The following FLT1 variants were observed in gnomAD, a reference collection of about 807,000 sequenced individuals.
The protein encoded by FLT1 is fms related receptor tyrosine kinase 1.
In FLT1, 49 loss-of-function variants were observed where a neutral mutation model predicts 156.3. The observed-to-expected ratio is 0.31, with a 90% CI of 0.25 to 0.40. The LOEUF (loss-of-function observed/expected upper bound fraction) is 0.40, where lower values mean the gene tolerates loss of function less well. FLT1 is among the 10% of genes least tolerant of loss of function. FLT1 has a pLI of 1.00. For missense variants in FLT1, 1,322 were observed against 1,637.2 expected (o/e 0.81, Z 3.32); for synonymous variants, 594 against 583.8 (o/e 1.02, Z -0.25).
intron 12 of FLT1, among the ~76,000 whole-genome samples, chr13:28,391,648 T>A (rs1405859245): frequency 6.6e-6 from 1 of 152,210 alleles, no homozygotes; most frequent in Non-Finnish European, 1.5e-5. Context: ...GTCACAGACA[T>A]GTGTCCTTAA....
intron 23 of FLT1, among the ~76,000 whole-genome samples, chr13:28,320,391 C>T (rs1184987785): frequency 2.0e-5 from 3 of 152,234 alleles, no homozygotes; most frequent in Admixed American, 1.3e-4. Context: ...CAGTGGCTCT[C>T]GAAGTATGGT....
intron 13 of FLT1, chr13:28,385,565 G>T: frequency 9.9e-7 from 1 of 1,013,708 alleles, no homozygotes; most frequent in Non-Finnish European, 1.2e-6. Flanking sequence ...AACTTTGAAA[G>T]CTTTATTGGT....
At chr13:28,329,785 G>GCGGA in intron 18 of FLT1, 57 bp from the exon 19 acceptor site, 3 of 1,405,920 alleles carry the variant, frequency 2.1e-6, no homozygotes, top group Non-Finnish European at 3.0e-6. Context: ...CCTTCCGCCG[G>GCGGA]AGGCGGCATT....
intron 11 of FLT1, among the ~76,000 whole-genome samples, chr13:28,400,376 A>T (rs1330539082): frequency 3.3e-5 from 5 of 152,270 alleles, no homozygotes; most frequent in African/African-American, 4.8e-5. Context: ...AAAGTTAAAA[A>T]TAAGGTGAAA....
chr13:28,450,850 G>T (rs1878888670), intron 3 of FLT1, among the ~76,000 whole-genome samples: 1 of 152,174 alleles, frequency 6.6e-6, no homozygotes, highest in Admixed American at 6.5e-5. Flanking sequence ...TACGCTTCCT[G>T]ATCTGAGGCT....
rs1555297826 is a variant in FLT1 at position 28,303,496 on chromosome 13, C to CCA, written c.3816-129_3816-128insTG. The CCA allele has an allele frequency of 2.6e-5, 21 of 799,102 alleles. No homozygotes were observed. The African/African-American group carries it at 3.1e-4, about 12-fold the overall frequency. 49.5% of individuals were successfully genotyped at this position (799,102 alleles called of 1,614,324 possible). A position where few individuals can be genotyped will look rare whatever the true frequency, so the allele number is the denominator to read the frequency against. ...TCTAGAGTTCATGGTTTTGGAACCC[C>CCA]CCCCCCCTCAATTGCTGTCAGATTT... On this transcript the variant is annotated intron_variant, in intron 29 of 29. Coordinates refer to ENST00000282397, the MANE Select transcript of FLT1 (RefSeq NM_002019.4).
chr13:28,442,076 A>G (rs1182166857), intron 3 of FLT1, among the ~76,000 whole-genome samples: 1 of 152,204 alleles, frequency 6.6e-6, no homozygotes, highest in Non-Finnish European at 1.5e-5. Context: ...GGGTGTAGTA[A>G]CATATGCAGA....
At chr13:28,380,434 G>A (rs1874029162) in intron 14 of FLT1, among the ~76,000 whole-genome samples, 1 of 152,158 alleles carries the variant, frequency 6.6e-6, no homozygotes, top group African/African-American at 2.4e-5. Flanking sequence ...TATACATGGG[G>A]AAGATTATCT....
Position 28,433,938 on chromosome 13 carries a change from C to T in FLT1, c.694G>A (p.Val232Ile), listed in dbSNP as rs1396825628. The T allele has an allele frequency of 2.5e-6, 4 of 1,614,092 alleles. No homozygotes were observed. Among genetic ancestry groups the T allele is most frequent in the Admixed American group, 1.7e-5 (1 of 60,020 alleles). ...ACTGGGCGTGGTGTGCTTATTTGGA[C>T]ATCTATGATTGTATTGGCTGCAAGC... ...THRQTNTIID[V>I]QISTPRPVKL... Residue 232 changes from valine to isoleucine, a missense_variant, in exon 6 of 30, where the codon GTC becomes ATC. Val to Ile is a conservative substitution (Grantham distance 29, BLOSUM62 3). Coordinates refer to ENST00000282397, the MANE Select transcript of FLT1 (RefSeq NM_002019.4).
At chr13:28,438,915 G>T (rs933837058) in intron 3 of FLT1, among the ~76,000 whole-genome samples, 2 of 152,202 alleles carry the variant, frequency 1.3e-5, no homozygotes, top group Admixed American at 6.5e-5. Flanking sequence ...AGCTGCTTAG[G>T]GGGAGGCGGA....
At chr13:28,367,698 C>T (rs1873350458) in intron 14 of FLT1, among the ~76,000 whole-genome samples, 1 of 152,192 alleles carries the variant, frequency 6.6e-6, no homozygotes, top group Admixed American at 6.5e-5. Flanking sequence ...GTGTTTGCCT[C>T]CTGTTCCCCC....
rs61950240 is a variant in FLT1 at position 28,405,353 on chromosome 13, A to G, written c.1551+427T>C. On this transcript the variant is annotated intron_variant, in intron 11 of 29. Transcript: ENST00000282397. ...ATTCAGTTTTAGCTCTAAGTCTTGC[A>G]CTAGCTTTTGCTTACTGGGATCCCA... 6.3e-3 allele frequency among the ~76,000 whole-genome samples: 954 copies of G among 152,342 alleles called. 3 individuals are homozygous for G. Among genetic ancestry groups the G allele is most frequent in the Middle Eastern group, 0.017 (5 of 294 alleles).
chr13:28,301,993 A>C lies in FLT1; in HGVS notation c.*1174T>G, dbSNP rs914891463. 8.6e-6 allele frequency: 2 copies of C among 233,582 alleles called. No homozygotes were observed. The highest frequency in any genetic ancestry group is 4.4e-5 in the African/African-American group (2 of 45,362). 14.5% of individuals were successfully genotyped at this position (233,582 alleles called of 1,614,324 possible). A position where few individuals can be genotyped will look rare whatever the true frequency, so the allele number is the denominator to read the frequency against. ...GTGTGAGATAGTGGAATCCCCATTAAATGAAAAGGAAACGTGACTGACTTC... is the reference window on the plus strand; with the variant it reads ...GTGTGAGATAGTGGAATCCCCATTACATGAAAAGGAAACGTGACTGACTTC... On this transcript the variant is annotated 3_prime_UTR_variant, in exon 30 of 30. Coordinates refer to ENST00000282397, the MANE Select transcript of FLT1 (RefSeq NM_002019.4).
chr13:28,345,535 A>G lies in FLT1; in HGVS notation c.2265T>C (p.Ser755=), dbSNP rs1256285515. The stretch of plus-strand genomic sequence containing the variant: ...ATGTTAGAGTGATCAGCTCCAGATT[A>G]GACTTGTCCGAGGTTCCTGGAGAGA... ...YLTVQGTSDK[S]NLELITLTCT... is the part of the protein sequence containing the mutation. The change falls in exon 16 of 30, where the codon TCT becomes TCC. Residue 755 remains serine, a synonymous_variant. Coordinates refer to ENST00000282397, the MANE Select transcript of FLT1 (RefSeq NM_002019.4). 3 of 1,610,068 alleles carry G rather than the reference A, an allele frequency of 1.9e-6. No homozygotes were observed. The highest frequency in any genetic ancestry group is 1.7e-6 in the Non-Finnish European group (2 of 1,177,152).
intron 3 of FLT1, among the ~76,000 whole-genome samples, chr13:28,443,093 C>T (rs1878424100): frequency 6.6e-6 from 1 of 152,136 alleles, no homozygotes; most frequent in Non-Finnish European, 1.5e-5. Flanking sequence ...GGACTCATGC[C>T]AACACTCAGC....
chr13:28,453,107 CTT>C (rs1879068507), intron 3 of FLT1, among the ~76,000 whole-genome samples: 1 of 70,828 alleles, frequency 1.4e-5, no homozygotes, highest in South Asian at 6.3e-4. Context: ...CTTTCCTTTC[CTT>C]TCCTTTCCTT....
chr13:28,451,018 C>G (rs565660133), intron 3 of FLT1, among the ~76,000 whole-genome samples: 1 of 152,154 alleles, frequency 6.6e-6, no homozygotes, highest in African/African-American at 2.4e-5. Flanking sequence ...TGGGAAGCAA[C>G]GGACTGATGA....
At chr13:28,412,350 C>CTTTTTCTTTCTTTCTTTT (rs71086853) in intron 10 of FLT1, among the ~76,000 whole-genome samples, 1 of 93,708 alleles carries the variant, frequency 1.1e-5, no homozygotes, top group Admixed American at 1.1e-4. Context: ...TTCTTTCTTT[C>CTTTTTCTTTCTTTCTTTT]TCTTTCTTTC....
Position 28,311,981 on chromosome 13 carries a change from A to G in FLT1, c.3492+12T>C. On this transcript the variant is annotated intron_variant, in intron 26 of 29. Coordinates refer to ENST00000282397, the MANE Select transcript of FLT1 (RefSeq NM_002019.4). ...TTCAAAGGCATTTTGATGTAAATAA[A>G]TTTAGTTTTACCTGTTGTACATTTG... 1 of 1,569,942 alleles carries G rather than the reference A, an allele frequency of 6.4e-7. No homozygotes were observed. The highest frequency in any genetic ancestry group is 2.2e-5 in the East Asian group (1 of 44,662).
Sources: allele counts gnomAD v4.1 joint callset (sites outside exome capture counted in the v4.1 genomes callset), GRCh38; gene constraint gnomAD v4.1.1; transcripts MANE v1.5; gene names NCBI Gene and HGNC (gene_info 2026-07-23, HGNC 2026-07-21).